Variants in CCDC171 observed in about 807,000 individuals in gnomAD.
CCDC171 encodes the protein coiled-coil domain-containing protein 171.
A neutral mutation model predicts 168.2 loss-of-function variants in CCDC171; 177 were observed. The observed-to-expected ratio is 1.05, with a 90% confidence interval of 0.93 to 1.19. The LOEUF is 1.19. Ranked by LOEUF, CCDC171 falls within the 50% of genes most tolerant of loss-of-function variation. CCDC171 has a pLI of 0.00. For synonymous variants in CCDC171, 687 were observed against 540.8 expected (o/e 1.27, Z -3.75); for missense variants, 1,991 against 1,539.0 (o/e 1.29, Z -4.91).
intron 21 of CCDC171, among the ~76,000 whole-genome samples, chr9:15,818,997 G>A (rs531826309): frequency 0.012 from 1,366 of 116,830 alleles, 392 homozygotes; most frequent in Middle Eastern, 0.018. Flanking sequence ...CGGATCTCTC[G>A]GCAGAAACTC....
chr9:15,609,332 C>T (rs2043481164), intron 6 of CCDC171, among the ~76,000 whole-genome samples: 2 of 152,138 alleles, frequency 1.3e-5, no homozygotes, highest in Non-Finnish European at 1.5e-5. Flanking sequence ...TGGTCTTGAA[C>T]TCCTGACCTC....
intron 7 of CCDC171, among the ~76,000 whole-genome samples, chr9:15,648,626 C>T (rs529264569): frequency 3.9e-5 from 6 of 152,330 alleles, no homozygotes; most frequent in African/African-American, 1.4e-4. Flanking sequence ...AGAGCCAACT[C>T]ATGAGTGAAC....
chr9:15,581,869 G>A (rs2041148977), intron 4 of CCDC171, among the ~76,000 whole-genome samples: 1 of 152,060 alleles, frequency 6.6e-6, no homozygotes, highest in Non-Finnish European at 1.5e-5. Context: ...ACATAGGCAT[G>A]GGCAAGGACT....
At chr9:15,768,325 C>T (rs1003327102) in intron 18 of CCDC171, among the ~76,000 whole-genome samples, 1 of 152,122 alleles carries the variant, frequency 6.6e-6, no homozygotes, top group East Asian at 1.9e-4. Flanking sequence ...AGAAACCTAG[C>T]AGTCACTGTA....
chr9:16,018,692 C>A (rs1833091600), intron 3 of CCDC171, among the ~76,000 whole-genome samples: 1 of 152,232 alleles, frequency 6.6e-6, no homozygotes, highest in Non-Finnish European at 1.5e-5. Context: ...TGGAGCTGTG[C>A]TCCAACACAG....
chr9:15,887,701 A>C (rs989235049), intron 24 of CCDC171: 1 of 152,326 alleles, frequency 6.6e-6, no homozygotes, highest in African/African-American at 2.4e-5. Flanking sequence ...AAGGAAAAAT[A>C]AAAATGAAAA....
At chr9:15,952,385 GT>G (rs1294860583) in intron 25 of CCDC171, among the ~76,000 whole-genome samples, 1 of 151,954 alleles carries the variant, frequency 6.6e-6, no homozygotes, top group Non-Finnish European at 1.5e-5. Flanking sequence ...TTATATATGA[GT>G]TTTAAGATGG....
At chr9:15,832,583 T>C (rs1309135633) in intron 21 of CCDC171, among the ~76,000 whole-genome samples, 3 of 152,116 alleles carry the variant, frequency 2.0e-5, no homozygotes, top group Non-Finnish European at 4.4e-5. Flanking sequence ...AATAGAAATA[T>C]GGTATAGAAG....
chr9:15,983,546 A>G lies in CCDC171; in HGVS notation n.369-37043A>G, dbSNP rs186358437. On this transcript the variant is annotated intron_variant and non_coding_transcript_variant, in intron 3 of 9. Coordinates refer to the CCDC171 transcript ENST00000486641. ...AGAATCTCTGAAGCATATGTGGAATATCTAGGCAAGTGGCTAGTAGGTTCT... is the reference window on the plus strand; with the variant it reads ...AGAATCTCTGAAGCATATGTGGAATGTCTAGGCAAGTGGCTAGTAGGTTCT... Among the ~76,000 whole-genome samples the G allele has an allele frequency of 1.4e-3, 205 of 147,978 alleles. 1 individual carries two copies. The highest frequency in any genetic ancestry group is 2.6e-3 in the Admixed American group (38 of 14,694).
At chr9:16,031,192 C>G (rs1833359592) in intron 6 of CCDC171, among the ~76,000 whole-genome samples, 2 of 152,160 alleles carry the variant, frequency 1.3e-5, no homozygotes, top group African/African-American at 4.8e-5. Context: ...GGTTTTTCAG[C>G]CTGCATTTGT....
chr9:16,048,964 C>G (rs747988376), intron 1 of CCDC171, among the ~76,000 whole-genome samples: 2 of 129,658 alleles, frequency 1.5e-5, no homozygotes, highest in Non-Finnish European at 3.4e-5. Context: ...AAAAAAAAAA[C>G]CCAAACACCA....
At chr9:16,004,766 A>G (rs940040675) in intron 3 of CCDC171, among the ~76,000 whole-genome samples, 1 of 152,204 alleles carries the variant, frequency 6.6e-6, no homozygotes, top group African/African-American at 2.4e-5. Flanking sequence ...TCTAAGTACT[A>G]GAGAATTGGT....
chr9:15,676,054 G>A (rs2049531732), intron 9 of CCDC171, among the ~76,000 whole-genome samples: 1 of 152,056 alleles, frequency 6.6e-6, no homozygotes, highest in Admixed American at 6.5e-5. Flanking sequence ...CAGACTTCTT[G>A]GAGGCCTTGT....
chr9:15,836,950 ATAAT>A, intron 21 of CCDC171, among the ~76,000 whole-genome samples: 1 of 152,338 alleles, frequency 6.6e-6, no homozygotes, highest in African/African-American at 2.4e-5. Context: ...ATGTATAGAA[ATAAT>A]TAATCTTCTT....
chr9:16,073,915 T>C, the CCDC171 span, among the ~76,000 whole-genome samples: 1 of 152,210 alleles, frequency 6.6e-6, no homozygotes, highest in Admixed American at 6.5e-5. Context: ...AAATTTCACT[T>C]AACCTTCTTG....
intron 7 of CCDC171, among the ~76,000 whole-genome samples, chr9:15,644,311 G>A (rs1033899634): frequency 3.3e-5 from 5 of 152,186 alleles, no homozygotes; most frequent in African/African-American, 1.2e-4. Flanking sequence ...AGCACCCAGC[G>A]TGAGTGATGC....
chr9:15,961,444 A>AT (rs1366243586), intron 25 of CCDC171, among the ~76,000 whole-genome samples: 1 of 152,178 alleles, frequency 6.6e-6, no homozygotes, highest in Non-Finnish European at 1.5e-5. Context: ...CACACAAGTT[A>AT]TAAGTAGCCA....
intron 1 of CCDC171, among the ~76,000 whole-genome samples, chr9:15,554,463 T>C (rs2132356803): frequency 6.6e-6 from 1 of 152,244 alleles, no homozygotes; most frequent in East Asian, 1.9e-4. Context: ...ATAGTCTTAG[T>C]TTGTAGCTTT....
chr9:16,106,446 G>A, the CCDC171 span, among the ~76,000 whole-genome samples: 3 of 152,144 alleles, frequency 2.0e-5, no homozygotes, highest in East Asian at 3.9e-4. Context: ...TGCCTCTCCC[G>A]GGCCTCCCAA....
Sources: allele counts gnomAD v4.1 joint callset (sites outside exome capture counted in the v4.1 genomes callset), GRCh38; gene constraint gnomAD v4.1.1; transcripts MANE v1.5; gene names NCBI Gene and HGNC (gene_info 2026-07-23, HGNC 2026-07-21).